Variants in XYLT1 observed in about 807,000 individuals in gnomAD.
The protein encoded by XYLT1 is xylosyltransferase 1.
A neutral mutation model predicts 91.3 loss-of-function variants in XYLT1; 36 were observed. The ratio of observed to expected loss-of-function variants is 0.39; its 90% CI spans 0.30 to 0.52. XYLT1 has a LOEUF of 0.52. Among genes scored for constraint, XYLT1 ranks in the 20% least tolerant of loss-of-function variants. The pLI is 0.68. For missense variants in XYLT1, 1,242 were observed against 1,284.5 expected (o/e 0.97, Z 0.51); for synonymous variants, 588 against 532.0 (o/e 1.11, Z -1.45).
chr16:17,436,034 T>A (rs1007699872), intron 1 of XYLT1, among the ~76,000 whole-genome samples: 1 of 152,092 alleles, frequency 6.6e-6, no homozygotes, highest in African/African-American at 2.4e-5. Flanking sequence ...GTTTCCCCCA[T>A]CCTGTTCTCA....
chr16:17,364,488 C>G (rs1158915254), intron 1 of XYLT1, among the ~76,000 whole-genome samples: 3 of 152,196 alleles, frequency 2.0e-5, no homozygotes, highest in Non-Finnish European at 4.4e-5. Flanking sequence ...TCTTTGATTT[C>G]TTCCTCCAGG....
chr16:17,137,205 G>A (rs1242678963), intron 8 of XYLT1, among the ~76,000 whole-genome samples: 1 of 152,112 alleles, frequency 6.6e-6, no homozygotes, highest in Non-Finnish European at 1.5e-5. Flanking sequence ...AGCAGGGACT[G>A]CTGGAAAAAA....
chr16:17,271,150 T>C (rs2033882724), intron 2 of XYLT1, among the ~76,000 whole-genome samples: 1 of 89,934 alleles, frequency 1.1e-5, no homozygotes, highest in East Asian at 2.1e-4. Context: ...TCCTAACTGT[T>C]TTTTGTTTGT....
At chr16:17,320,669 A>G (rs187394641) in intron 2 of XYLT1, among the ~76,000 whole-genome samples, 71 of 151,076 alleles carry the variant, frequency 4.7e-4, no homozygotes, top group African/African-American at 1.7e-3. Context: ...TTTAGTATAG[A>G]CGCGGTTTCA....
At chr16:17,427,361 C>T (rs923644256) in intron 1 of XYLT1, among the ~76,000 whole-genome samples, 4 of 152,190 alleles carry the variant, frequency 2.6e-5, no homozygotes, top group African/African-American at 7.2e-5. Context: ...TGCAGTGGTG[C>T]GATCTCGCCT....
intron 3 of XYLT1, among the ~76,000 whole-genome samples, chr16:17,220,991 T>C (rs1233509472): frequency 6.6e-6 from 1 of 152,164 alleles, no homozygotes; most frequent in Non-Finnish European, 1.5e-5. Context: ...TGGCACAAAA[T>C]AGGCACTAGG....
At chr16:17,198,042 A>C in intron 5 of XYLT1, 170 bp downstream of exon 5, 1 of 700,422 alleles carries the variant, frequency 1.4e-6, no homozygotes, top group Non-Finnish European at 2.4e-6. Context: ...TGTTGAATGC[A>C]TGAATGAATG....
intron 3 of XYLT1, among the ~76,000 whole-genome samples, chr16:17,225,519 A>G (rs2033047356): frequency 6.6e-6 from 1 of 152,098 alleles, no homozygotes; most frequent in Non-Finnish European, 1.5e-5. Context: ...TTTTCTGCCT[A>G]ATTTCTTGAC....
At chr16:17,239,504 T>TCATC (rs147770428) in intron 3 of XYLT1, among the ~76,000 whole-genome samples, 7,100 of 128,240 alleles carry the variant, frequency 0.055, 257 homozygotes, top group African/African-American at 0.1. Context: ...GTCCATCTAT[T>TCATC]CATCCATCCA....
chr16:17,275,330 T>G (rs1179629830), intron 2 of XYLT1, among the ~76,000 whole-genome samples: 1 of 152,172 alleles, frequency 6.6e-6, no homozygotes. Context: ...AAACTTACAT[T>G]GTTACTCCTG....
chr16:17,247,461 T>C lies in XYLT1; in HGVS notation c.913+11527A>G, dbSNP rs979253237. On this transcript the variant is annotated intron_variant, in intron 3 of 11. Transcript: ENST00000261381. ...CTTCCAGAACCACAAGAGCTGCCAA[T>C]CGAGAGGTGGCCTATGGCTGACTTG... Among the ~76,000 whole-genome samples the C allele has an allele frequency of 2.0e-5, 3 of 152,136 alleles. No individual in the cohort carries two copies. The South Asian group carries it at 6.2e-4, about 31-fold the overall frequency.
At chr16:17,132,897 A>G (rs971303961) in intron 9 of XYLT1, among the ~76,000 whole-genome samples, 2 of 152,192 alleles carry the variant, frequency 1.3e-5, no homozygotes, top group African/African-American at 4.8e-5. Flanking sequence ...CTCTGTCTCA[A>G]AAGAGCACTG....
At chr16:17,461,102 C>T (rs1405979050) in intron 1 of XYLT1, among the ~76,000 whole-genome samples, 2 of 152,220 alleles carry the variant, frequency 1.3e-5, no homozygotes, top group Non-Finnish European at 2.9e-5. Flanking sequence ...CCAGGCCCCA[C>T]AGCATCTGCC....
chr16:17,323,264 A>G (rs1596481815), intron 2 of XYLT1, among the ~76,000 whole-genome samples: 1 of 152,372 alleles, frequency 6.6e-6, no homozygotes, highest in East Asian at 1.9e-4. Context: ...GGACAGGCCT[A>G]TTCTTCCTGC....
intron 2 of XYLT1, among the ~76,000 whole-genome samples, chr16:17,286,815 C>T (rs773813467): frequency 6.6e-6 from 1 of 152,160 alleles, no homozygotes; most frequent in Non-Finnish European, 1.5e-5. Flanking sequence ...CTAAGCATCT[C>T]CCCATGTCTT....
At chr16:17,221,316 T>G (rs2032964030) in intron 3 of XYLT1, among the ~76,000 whole-genome samples, 1 of 152,190 alleles carries the variant, frequency 6.6e-6, no homozygotes. Context: ...AGCCAGCATT[T>G]TTTTAAGCAC....
At chr16:17,145,566 A>G (rs2031109796) in intron 6 of XYLT1, among the ~76,000 whole-genome samples, 2 of 152,230 alleles carry the variant, frequency 1.3e-5, no homozygotes, top group African/African-American at 4.8e-5. Flanking sequence ...AGCAAACTGG[A>G]AATAGGAGAC....
chr16:17,324,390 G>A (rs896814154), intron 2 of XYLT1, among the ~76,000 whole-genome samples: 3 of 152,154 alleles, frequency 2.0e-5, no homozygotes, highest in Admixed American at 6.5e-5. Flanking sequence ...CCTTTGCAGT[G>A]GCCAGGTATG....
intron 1 of XYLT1, among the ~76,000 whole-genome samples, chr16:17,393,880 A>G (rs1216864769): frequency 6.6e-6 from 1 of 151,964 alleles, no homozygotes; most frequent in Non-Finnish European, 1.5e-5. Flanking sequence ...GGTTCACACC[A>G]TTCTCCTGCC....
Sources: allele counts gnomAD v4.1 joint callset (sites outside exome capture counted in the v4.1 genomes callset), GRCh38; gene constraint gnomAD v4.1.1; transcripts MANE v1.5; gene names NCBI Gene and HGNC (gene_info 2026-07-23, HGNC 2026-07-21).